The following EFCAB13 variants were observed in gnomAD, a reference collection of about 807,000 sequenced individuals.
EFCAB13 encodes the protein EF-hand calcium binding domain 13.
EFCAB13 carries 91 observed loss-of-function variants against 110.2 expected under a neutral mutation model. The observed-to-expected ratio is 0.83, with a 90% CI of 0.70 to 0.98. The LOEUF is 0.98. Ranked by LOEUF, EFCAB13 falls within the 50% of genes least tolerant of loss-of-function variation. EFCAB13 has a pLI of 0.00. For synonymous variants in EFCAB13, 323 were observed against 369.9 expected (o/e 0.87, Z 1.45); for missense variants, 968 against 1,119.4 (o/e 0.86, Z 1.93).
chr17:47,421,637 G>T (rs201978754), intron 23 of EFCAB13, among the ~76,000 whole-genome samples: 20 of 41,852 alleles, frequency 4.8e-4, no homozygotes, highest in African/African-American at 2.0e-3. Flanking sequence ...AAAAAAGAAA[G>T]AAAGAAAAAA....
intron 9 of EFCAB13, among the ~76,000 whole-genome samples, chr17:47,360,325 G>C (rs1416367779): frequency 6.6e-6 from 1 of 152,042 alleles, no homozygotes; most frequent in Admixed American, 6.6e-5. Flanking sequence ...ATTCTAACTG[G>C]TGTGAGATGG....
At chr17:47,422,590 T>C (rs566164997) in intron 23 of EFCAB13, among the ~76,000 whole-genome samples, 18 of 152,270 alleles carry the variant, frequency 1.2e-4, no homozygotes, top group African/African-American at 4.3e-4. Context: ...TGTTCAAAAA[T>C]TGTATTTCTG....
At chr17:47,423,929 T>C (rs1255945764) in intron 23 of EFCAB13, among the ~76,000 whole-genome samples, 1 of 151,712 alleles carries the variant, frequency 6.6e-6, no homozygotes, top group Non-Finnish European at 1.5e-5. Flanking sequence ...CCCGGCCAGC[T>C]CCGTCTACGC....
chr17:47,437,627 C>T (rs1206280469), intron 24 of EFCAB13, among the ~76,000 whole-genome samples: 1 of 152,094 alleles, frequency 6.6e-6, no homozygotes, highest in Non-Finnish European at 1.5e-5. Context: ...TTTTCCACCC[C>T]TTTACTTTAA....
intron 14 of EFCAB13, among the ~76,000 whole-genome samples, chr17:47,388,262 G>A (rs2065687476): frequency 6.6e-6 from 1 of 152,188 alleles, no homozygotes. Context: ...GACTGCCATG[G>A]TCTCACTTTT....
chr17:47,425,546 T>C (rs1904922376), intron 23 of EFCAB13, among the ~76,000 whole-genome samples: 1 of 152,200 alleles, frequency 6.6e-6, no homozygotes, highest in Non-Finnish European at 1.5e-5. Flanking sequence ...ATGGGGATCT[T>C]ACATTTCAAC....
At chr17:47,334,134 T>G (rs566452535) in intron 4 of EFCAB13, among the ~76,000 whole-genome samples, 45 of 152,076 alleles carry the variant, frequency 3.0e-4, no homozygotes, top group African/African-American at 1.1e-3. Context: ...TAGTTTTTTT[T>G]TTGTTAAAAT....
intron 23 of EFCAB13, among the ~76,000 whole-genome samples, chr17:47,424,896 T>TTTTTTTTTTTTTTTTTTTTTTTG (rs1567807243): frequency 1.2e-5 from 1 of 84,482 alleles, no homozygotes; most frequent in African/African-American, 6.0e-5. Context: ...TTTTTTTTTT[T>TTTTTTTTTTTTTTTTTTTTTTTG]TTTTGAGACG....
chr17:47,364,874 C>T (rs1020092089), intron 10 of EFCAB13, among the ~76,000 whole-genome samples: 1 of 152,200 alleles, frequency 6.6e-6, no homozygotes, highest in Non-Finnish European at 1.5e-5. Context: ...CCATATTCTT[C>T]CTTGCTCTCT....
intron 24 of EFCAB13, among the ~76,000 whole-genome samples, chr17:47,439,662 G>A (rs1384587684): frequency 3.3e-5 from 5 of 152,132 alleles, no homozygotes; most frequent in African/African-American, 1.2e-4. Context: ...CACGTGGAGA[G>A]ATTAAATTTA....
At chr17:47,370,908 G>A (rs185125739) in intron 11 of EFCAB13, among the ~76,000 whole-genome samples, 3 of 151,102 alleles carry the variant, frequency 2.0e-5, no homozygotes, top group Admixed American at 2.0e-4. Context: ...TGCCCAGCTA[G>A]TTTTGTATTT....
At chr17:47,342,771 C>G (rs1325489091) in intron 6 of EFCAB13, among the ~76,000 whole-genome samples, 1 of 151,940 alleles carries the variant, frequency 6.6e-6, no homozygotes, top group African/African-American at 2.4e-5. Context: ...ATTTTGTCAT[C>G]CTGTTTTCTA....
chr17:47,328,291 C>A lies in EFCAB13; in HGVS notation c.-63C>A. On this transcript the variant is annotated 5_prime_UTR_variant, in exon 4 of 25. Coordinates refer to ENST00000331493, the MANE Select transcript of EFCAB13 (RefSeq NM_152347.5). ...CAGGAAATCCTTTTGTACTATTGCT[C>A]ATTCATACTTGTTCATCAAAGCCTG... 7.3e-7 allele frequency: 1 copy of A among 1,360,776 alleles called. No homozygotes were observed. The highest frequency in any genetic ancestry group is 1.1e-6 in the Non-Finnish European group (1 of 951,644). The allele number at this position is 1,360,776 out of a possible 1,614,324, so 84.3% of individuals were successfully genotyped here.
chr17:47,352,258 T>A (rs1348917839), intron 9 of EFCAB13, among the ~76,000 whole-genome samples: 1 of 152,000 alleles, frequency 6.6e-6, no homozygotes, highest in Non-Finnish European at 1.5e-5. Flanking sequence ...CCATCTTGAG[T>A]TGATTTTGTA....
In EFCAB13 at chr17:47,333,324, G is replaced by T. The variant is rs368299138; in HGVS notation, c.31-1872G>T. ...TTGAGTTGAGTTCCTTATGTAATTTGGGTATAAATCCTTTATCGCCTTAAC... is the reference window on the plus strand; with the variant it reads ...TTGAGTTGAGTTCCTTATGTAATTTTGGTATAAATCCTTTATCGCCTTAAC... On this transcript the variant is annotated intron_variant, in intron 4 of 24. Coordinates refer to ENST00000331493, the MANE Select transcript of EFCAB13 (RefSeq NM_152347.5). 7.0e-4 allele frequency among the ~76,000 whole-genome samples: 107 copies of T among 152,152 alleles called. 1 individual carries two copies. In the South Asian group the frequency reaches 0.021, roughly 30 times the overall value.
intron 21 of EFCAB13, 55 bp downstream of exon 21, chr17:47,409,746 G>A: frequency 1.5e-6 from 2 of 1,337,362 alleles, no homozygotes; most frequent in South Asian, 2.4e-5. Context: ...ATATTTTTTA[G>A]AATAATTGCC....
intron 10 of EFCAB13, among the ~76,000 whole-genome samples, chr17:47,368,451 G>T (rs1188950698): frequency 6.6e-6 from 1 of 152,200 alleles, no homozygotes; most frequent in Non-Finnish European, 1.5e-5. Flanking sequence ...CTACAGAACT[G>T]GTTGGAGTGG....
At chr17:47,352,327 T>C (rs181904404) in intron 9 of EFCAB13, among the ~76,000 whole-genome samples, 77 of 152,284 alleles carry the variant, frequency 5.1e-4, no homozygotes, top group African/African-American at 1.6e-3. Context: ...CAATTTTCCC[T>C]TTACCATTTA....
At position 47,430,294 on chromosome 17, in the gene EFCAB13, A is replaced by G. The variant is rs867439850; in HGVS notation, c.2638+333A>G. 74 of 914,450 alleles carry G rather than the reference A, an allele frequency of 8.1e-5. No homozygotes were observed. The African/African-American group carries it at 1.0e-3, about 13-fold the overall frequency. 56.6% of individuals were successfully genotyped at this position (914,450 alleles called of 1,614,324 possible). A position where few individuals can be genotyped will look rare whatever the true frequency, so the allele number is the denominator to read the frequency against. ...TCCTGGAGGCCCTTTTGGTTTTTGG[A>G]AGGTAAATTATGATGATATCCAGGG... On this transcript the variant is annotated intron_variant, in intron 24 of 24. Coordinates refer to ENST00000331493, the MANE Select transcript of EFCAB13 (RefSeq NM_152347.5).
Sources: allele counts gnomAD v4.1 joint callset (sites outside exome capture counted in the v4.1 genomes callset), GRCh38; gene constraint gnomAD v4.1.1; transcripts MANE v1.5; gene names NCBI Gene and HGNC (gene_info 2026-07-23, HGNC 2026-07-21).